UGT1A5: variants seen among roughly 807,000 people sequenced by gnomAD.
UGT1A5 encodes the protein UDP glucuronosyltransferase family 1 member A5.
In UGT1A5, 29 loss-of-function variants were observed where a neutral mutation model predicts 40.3. The observed-to-expected ratio is 0.72, with a 90% confidence interval of 0.54 to 0.98. The LOEUF (loss-of-function observed/expected upper bound fraction) is 0.98. UGT1A5 is among the 50% of genes least tolerant of loss of function. The pLI, the probability that UGT1A5 is intolerant of heterozygous loss-of-function variation, is 0.00. For missense variants in UGT1A5, 678 were observed against 677.9 expected (o/e 1.00, Z 0.00); for synonymous variants, 257 against 262.5 (o/e 0.98, Z 0.20).
chr2:233,729,699 C>A lies in UGT1A5; in HGVS notation c.867+15841C>A, dbSNP rs184386098. On this transcript the variant is annotated intron_variant, in intron 1 of 4. Coordinates refer to ENST00000373414, the MANE Select transcript of UGT1A5 (RefSeq NM_019078.2). Reference sequence around the variant, plus strand: ...AGGGCACACAGTGTCCAAACCCTTCCTCCTATATTCCTAGATTACTAACAA... The same window carrying A: ...AGGGCACACAGTGTCCAAACCCTTCATCCTATATTCCTAGATTACTAACAA... 39 of 1,613,944 alleles carry A rather than the reference C, an allele frequency of 2.4e-5. No homozygotes were observed. The East Asian group carries it at 8.7e-4, about 36-fold the overall frequency.
At chr2:233,767,966 A>G in intron 3 of UGT1A5, 30 bp downstream of exon 3, 1 of 1,614,232 alleles carries the variant, frequency 6.2e-7, no homozygotes, top group South Asian at 1.1e-5. Flanking sequence ...TGTATAGGTC[A>G]AACCAGGGTC....
intron 1 of UGT1A5, among the ~76,000 whole-genome samples, chr2:233,764,316 C>T (rs1044416342): frequency 3.3e-5 from 5 of 152,242 alleles, no homozygotes; most frequent in Admixed American, 6.5e-5. Flanking sequence ...TTAAGGGAAG[C>T]TTTGCCAAGT....
chr2:233,767,305 GT>G (rs1444114295), intron 2 of UGT1A5, 140 bp downstream of exon 2: 24 of 1,519,088 alleles, frequency 1.6e-5, no homozygotes, highest in Middle Eastern at 1.8e-4. Context: ...TAATCCAAAG[GT>G]TTTTTTTGTT....
intron 1 of UGT1A5, chr2:233,748,229 G>A: frequency 1.4e-6 from 2 of 1,404,944 alleles, no homozygotes; most frequent in Non-Finnish European, 1.9e-6. Flanking sequence ...AAACTGTTAA[G>A]GGGTCTCTAG....
chr2:233,742,230 A>T (rs1158826164), intron 1 of UGT1A5, among the ~76,000 whole-genome samples: 2 of 151,434 alleles, frequency 1.3e-5, no homozygotes, highest in African/African-American at 2.4e-5. Flanking sequence ...GAGAGCCCCA[A>T]ACAGAGATTT....
chr2:233,744,576 G>A (rs371492922), intron 1 of UGT1A5, among the ~76,000 whole-genome samples: 6 of 151,982 alleles, frequency 3.9e-5, no homozygotes, highest in South Asian at 4.2e-4. Flanking sequence ...GAGTGGCATC[G>A]TTTTACAGTT....
intron 1 of UGT1A5, chr2:233,747,091 T>G (rs1693559747): frequency 8.0e-7 from 1 of 1,256,442 alleles, no homozygotes. Context: ...AGGAGAGCAC[T>G]CTATCTTCCA....
At chr2:233,718,914 T>C (rs373069908) in intron 1 of UGT1A5, 68 of 1,613,948 alleles carry the variant, frequency 4.2e-5, no homozygotes, top group Admixed American at 6.7e-5. Context: ...TGGAAAGGTG[T>C]TGGTGGTGCC....
intron 1 of UGT1A5, chr2:233,730,098 T>G: frequency 6.3e-7 from 1 of 1,586,492 alleles, no homozygotes; most frequent in East Asian, 2.3e-5. Flanking sequence ...TTCCAAATAT[T>G]TCATTTCTGC....
intron 1 of UGT1A5, chr2:233,760,638 A>C (rs752920136): frequency 6.2e-7 from 1 of 1,614,204 alleles, no homozygotes; most frequent in South Asian, 1.1e-5. Flanking sequence ...AGAAAATAAA[A>C]AAGGACTCTG....
intron 1 of UGT1A5, among the ~76,000 whole-genome samples, chr2:233,715,099 T>C (rs2076432380): frequency 6.6e-6 from 1 of 152,192 alleles, no homozygotes; most frequent in South Asian, 2.1e-4. Context: ...TTGGCCAGGC[T>C]GATCTCAAAT....
chr2:233,751,665 G>A (rs1281035345), intron 1 of UGT1A5, among the ~76,000 whole-genome samples: 6 of 152,196 alleles, frequency 3.9e-5, no homozygotes, highest in African/African-American at 1.4e-4. Context: ...TACTGAGTGA[G>A]TTCTAATGAG....
intron 1 of UGT1A5, chr2:233,721,729 A>C (rs1210902103): frequency 4.9e-6 from 2 of 408,012 alleles, no homozygotes; most frequent in Non-Finnish European, 9.8e-6. Flanking sequence ...TACTTGGATA[A>C]GCTTAATGAT....
intron 1 of UGT1A5, among the ~76,000 whole-genome samples, chr2:233,725,586 A>G (rs1194596370): frequency 6.6e-6 from 1 of 152,166 alleles, no homozygotes; most frequent in East Asian, 1.9e-4. Context: ...TTATGACTTA[A>G]CTATTTGACA....
In UGT1A5 at chr2:233,769,722, G is replaced by C. The variant is rs906143757; in HGVS notation, c.1307+1283G>C. The C allele has an allele frequency of 4.0e-5, 60 of 1,484,822 alleles. No homozygotes were observed. The highest frequency in any genetic ancestry group is 4.9e-5 in the Non-Finnish European group (55 of 1,116,098). 92.0% of individuals were successfully genotyped at this position (1,484,822 alleles called of 1,614,324 possible). On this transcript the variant is annotated intron_variant, in intron 4 of 4. Coordinates refer to ENST00000373414, the MANE Select transcript of UGT1A5 (RefSeq NM_019078.2). The surrounding 1 kb of genome is among the most constrained non-coding windows in gnomAD (Gnocchi z 4.4). ...AGATCAATGTTGGCTAGGCACCATGGCACACGCCTGTAGTCCCAGCCACTC... is the reference window on the plus strand; with the variant it reads ...AGATCAATGTTGGCTAGGCACCATGCCACACGCCTGTAGTCCCAGCCACTC...
rs1392569558 is a variant in UGT1A5 at position 233,757,114 on chromosome 2, G to T, written c.868-9920G>T. ...GCAGAGGGAGGGGGCAAGCAGAAGG[G>T]CTAGAGAGGAGGAATGAGCTTGGAC... On this transcript the variant is annotated intron_variant, in intron 1 of 4. Transcript: ENST00000373414. Among the ~76,000 whole-genome samples the T allele has an allele frequency of 7.3e-5, 11 of 151,392 alleles. No individual in the cohort carries two copies. In the South Asian group the frequency reaches 1.7e-3, roughly 23 times the overall value.
At chr2:233,748,806 A>C (rs981596738) in intron 1 of UGT1A5, among the ~76,000 whole-genome samples, 1 of 151,326 alleles carries the variant, frequency 6.6e-6, no homozygotes, top group Non-Finnish European at 1.5e-5. Flanking sequence ...AATTATCAAG[A>C]AATTGTGGAA....
chr2:233,747,973 T>C, intron 1 of UGT1A5: 1 of 1,613,528 alleles, frequency 6.2e-7, no homozygotes, highest in East Asian at 2.2e-5. Flanking sequence ...CATGCATCTG[T>C]GTGGCTGTTC....
At chr2:233,746,301 T>C (rs1399652161) in intron 1 of UGT1A5, among the ~76,000 whole-genome samples, 3 of 151,760 alleles carry the variant, frequency 2.0e-5, no homozygotes, top group African/African-American at 7.3e-5. Flanking sequence ...TTTGTTTCCC[T>C]TGGAGGGCCC....
Sources: gnomAD v4.1 joint callset for allele counts (sites outside exome capture counted in the v4.1 genomes callset) on GRCh38, gnomAD v4.1.1 for gene constraint, Gnocchi (gnomAD v3.1) non-coding constraint, MANE v1.5 for transcripts, NCBI Gene and HGNC (gene_info 2026-07-23, HGNC 2026-07-21) for gene names.